Variants in ZC3H8 observed in about 807,000 individuals in gnomAD.
ZC3H8 encodes zinc finger CCCH domain-containing protein 8.
Under a neutral mutation model 42.5 loss-of-function variants are expected in ZC3H8, and 27 were observed. The observed-to-expected ratio is 0.64, with a 90% CI of 0.47 to 0.88. The LOEUF is 0.88. Among genes scored for constraint, ZC3H8 ranks in the 40% least tolerant of loss-of-function variants. The probability of loss-of-function intolerance (pLI) is 0.00; values close to 1 mark genes in which losing one functional copy is unlikely to be tolerated. For synonymous variants in ZC3H8, 101 were observed against 110.1 expected (o/e 0.92, Z 0.52); for missense variants, 277 against 336.1 (o/e 0.82, Z 1.37).
At chr2:112,227,735 CAG>C (rs1337188804) in intron 8 of ZC3H8, among the ~76,000 whole-genome samples, 5 of 152,044 alleles carry the variant, frequency 3.3e-5, no homozygotes, top group Non-Finnish European at 7.4e-5. Context: ...TAGCATCAAA[CAG>C]AATATGTACG....
intron 8 of ZC3H8, among the ~76,000 whole-genome samples, chr2:112,222,220 A>G (rs1414876347): frequency 1.3e-5 from 2 of 152,130 alleles, no homozygotes; most frequent in Non-Finnish European, 2.9e-5. Context: ...CAGGAACCTC[A>G]GTTGACAGAT....
At chr2:112,240,973 G>A (rs1221684258) in intron 2 of ZC3H8, among the ~76,000 whole-genome samples, 1 of 144,918 alleles carries the variant, frequency 6.9e-6, no homozygotes, top group Non-Finnish European at 1.5e-5. Context: ...GTGTGTGTGT[G>A]TGTGTGTGTG....
intron 2 of ZC3H8, among the ~76,000 whole-genome samples, chr2:112,248,984 C>T (rs1685852287): frequency 6.6e-6 from 1 of 152,074 alleles, no homozygotes; most frequent in South Asian, 2.1e-4. Context: ...CGCTTGACCC[C>T]AGGAGTTCGA....
intron 6 of ZC3H8, 141 bp downstream of exon 6, chr2:112,233,119 A>G (rs1685164536): frequency 3.6e-6 from 2 of 553,234 alleles, no homozygotes; most frequent in South Asian, 5.4e-5. Flanking sequence ...TCCACGTACA[A>G]TTTAATCACT....
intron 2 of ZC3H8, 85 bp downstream of exon 2, chr2:112,250,106 G>GT (rs1205913710): frequency 3.2e-5 from 32 of 1,014,744 alleles, no homozygotes; most frequent in Non-Finnish European, 2.3e-5. Context: ...ATTTCCATCT[G>GT]TTTTTTCTTT....
In ZC3H8 at chr2:112,214,613, T is replaced by TGGACGAATGGCTCTTG. The variant is rs1320675586; in HGVS notation, c.*1855_*1870dup. ...ACAATGGCTAGGTGATAGAGTACTT[T>TGGACGAATGGCTCTTG]GGACGAATGGCTCTTGAGACGAATG... On this transcript the variant is annotated 3_prime_UTR_variant, in exon 9 of 9. Coordinates refer to ENST00000409573, the MANE Select transcript of ZC3H8 (RefSeq NM_032494.3). 5 of 152,182 alleles carry TGGACGAATGGCTCTTG rather than the reference T, an allele frequency of 3.3e-5. No homozygotes were observed. The highest frequency in any genetic ancestry group is 5.9e-5 in the Non-Finnish European group (4 of 68,072). 9.4% of individuals were successfully genotyped at this position (152,182 alleles called of 1,614,324 possible).
At chr2:112,254,028 A>AT (rs1686043464) in intron 1 of ZC3H8, 5 of 830,912 alleles carry the variant, frequency 6.0e-6, no homozygotes, top group Non-Finnish European at 7.3e-6. Context: ...CCATCTGTAA[A>AT]ACGAGGACGG....
chr2:112,215,857 CTAAATTTAGAAATGGTA>C lies in ZC3H8; in HGVS notation c.*610_*626del, dbSNP rs1684298218. ...TTTAACAACAGAAAAGTTACGAACT[CTAAATTTAGAAATGGTA>C]TAGTAAGAGATATTGTTTCACTTTA... On this transcript the variant is annotated 3_prime_UTR_variant, in exon 9 of 9. Transcript: ENST00000409573. 1 of 151,996 alleles carries C rather than the reference CTAAATTTAGAAATGGTA, an allele frequency of 6.6e-6. No individual in the cohort carries two copies. Among genetic ancestry groups the C allele is most frequent in the Non-Finnish European group, 1.5e-5 (1 of 68,008 alleles). The allele number at this position is 151,996 out of a possible 1,614,324, so 9.4% of individuals were successfully genotyped here. A position where few individuals can be genotyped will look rare whatever the true frequency, so the allele number is the denominator to read the frequency against.
chr2:112,242,147 C>T (rs1167526480), intron 2 of ZC3H8, among the ~76,000 whole-genome samples: 2 of 152,180 alleles, frequency 1.3e-5, no homozygotes, highest in African/African-American at 4.8e-5. Flanking sequence ...AATACAAAAG[C>T]ATGTGACAAA....
At chr2:112,247,700 G>A (rs1685807555) in intron 2 of ZC3H8, among the ~76,000 whole-genome samples, 1 of 152,222 alleles carries the variant, frequency 6.6e-6, no homozygotes, top group Non-Finnish European at 1.5e-5. Context: ...TAACCTAGGA[G>A]TCCATCTTCT....
At chr2:112,234,531 T>C (rs535586993) in intron 4 of ZC3H8, among the ~76,000 whole-genome samples, 1 of 152,354 alleles carries the variant, frequency 6.6e-6, no homozygotes, top group South Asian at 2.1e-4. Context: ...CCAGACACAG[T>C]GGCTCACGCC....
At chr2:112,222,536 G>A (rs1356279889) in intron 8 of ZC3H8, among the ~76,000 whole-genome samples, 1 of 151,934 alleles carries the variant, frequency 6.6e-6, no homozygotes, top group Non-Finnish European at 1.5e-5. Flanking sequence ...TGTTGAGAAG[G>A]ACAAATACTA....
At position 112,230,926 on chromosome 2, in the gene ZC3H8, A is replaced by G. The variant is rs1385806094; in HGVS notation, c.868T>C (p.Cys290Arg). 1.6e-6 allele frequency: 2 copies of G among 1,276,902 alleles called. No individual in the cohort carries two copies. Among genetic ancestry groups the G allele is most frequent in the Non-Finnish European group, 2.1e-6 (2 of 974,086 alleles). The allele number at this position is 1,276,902 out of a possible 1,614,324, so 79.1% of individuals were successfully genotyped here. A position where few individuals can be genotyped will look rare whatever the true frequency, so the allele number is the denominator to read the frequency against. The change falls in exon 8 of 9, where the codon TGT becomes CGT. Residue 290 changes from cysteine to arginine, a missense_variant. Coordinates refer to ENST00000409573, the MANE Select transcript of ZC3H8 (RefSeq NM_032494.3). The part of the protein sequence containing the change: ...AKVLDTEKKS[C>R]K ...ACCTTTTTATGTCTATTTTATTTACATGACTTCTTTTCAGTATCCAAAACC... is the reference window on the plus strand; with the variant it reads ...ACCTTTTTATGTCTATTTTATTTACGTGACTTCTTTTCAGTATCCAAAACC...
chr2:112,239,145 G>A (rs1194609614), intron 2 of ZC3H8, among the ~76,000 whole-genome samples: 1 of 152,184 alleles, frequency 6.6e-6, no homozygotes, highest in Non-Finnish European at 1.5e-5. Context: ...CTCTGTTGTT[G>A]CACGTGCCCA....
chr2:112,218,598 G>C (rs1217917616), intron 8 of ZC3H8, among the ~76,000 whole-genome samples: 1 of 152,112 alleles, frequency 6.6e-6, no homozygotes, highest in Non-Finnish European at 1.5e-5. Flanking sequence ...ACACAAGTTT[G>C]AACTGTATGA....
intron 8 of ZC3H8, among the ~76,000 whole-genome samples, chr2:112,229,194 GAGC>G (rs549915145): frequency 8.5e-4 from 130 of 152,286 alleles, no homozygotes; most frequent in African/African-American, 2.9e-3. Flanking sequence ...GTGGGGGAAA[GAGC>G]AGTCTTTTTA....
At chr2:112,243,123 T>C (rs995668411) in intron 2 of ZC3H8, among the ~76,000 whole-genome samples, 1 of 152,218 alleles carries the variant, frequency 6.6e-6, no homozygotes, top group Non-Finnish European at 1.5e-5. Context: ...CTGACACTGC[T>C]TGGTATCACT....
At position 112,238,352 on chromosome 2, in the gene ZC3H8, T is replaced by G. The variant is rs1368502109; in HGVS notation, c.333A>C (p.Glu111Asp). Residue 111 changes from glutamate to aspartate, a missense_variant, in exon 3 of 9, where the codon GAA (glutamate) becomes GAC (aspartate). By Grantham distance (45) the Glu-to-Asp change is conservative. Transcript: ENST00000409573. ...REMANAAQPE[E>D]STKKEGVKDT... ...CTTTTACTCCTTCTTTCTTTGTAGATTCTTCAGGTTGAGCAGCATTTGCCA... is the reference window on the plus strand; with the variant it reads ...CTTTTACTCCTTCTTTCTTTGTAGAGTCTTCAGGTTGAGCAGCATTTGCCA... 1 of 1,613,768 alleles carries G rather than the reference T, an allele frequency of 6.2e-7. No homozygotes were observed. Among genetic ancestry groups the G allele is most frequent in the Admixed American group, 1.7e-5 (1 of 60,022 alleles).
rs1211096653 is a variant in ZC3H8 at position 112,231,923 on chromosome 2, T to C, written c.758A>G (p.His253Arg). Reference sequence around the variant, plus strand: ...TCCCTGATAACATTTTGTTCCTGTATGGTAAAACTTACAAGGATATTCATG... The same window carrying C: ...TCCCTGATAACATTTTGTTCCTGTACGGTAAAACTTACAAGGATATTCATG... The part of the protein sequence containing the change: ...LHNEYPCKFY[H>R]TGTKCYQGEY... The change falls in exon 7 of 9, where the codon CAT becomes CGT. Residue 253 changes from histidine to arginine, a missense_variant. Physicochemically the swap from His to Arg is conservative, Grantham distance 29. Transcript: ENST00000409573. 6.3e-7 allele frequency: 1 copy of C among 1,579,496 alleles called. No individual in the cohort carries two copies. Among genetic ancestry groups the C allele is most frequent in the East Asian group, 2.3e-5 (1 of 44,044 alleles).
Sources: allele counts gnomAD v4.1 joint callset (sites outside exome capture counted in the v4.1 genomes callset), GRCh38; gene constraint gnomAD v4.1.1; transcripts MANE v1.5; gene names NCBI Gene and HGNC (gene_info 2026-07-23, HGNC 2026-07-21).